The following GALNTL6 variants were observed in gnomAD, a reference collection of about 807,000 sequenced individuals.
GALNTL6 encodes the protein polypeptide N-acetylgalactosaminyltransferase-like 6.
Under a neutral mutation model 73.7 loss-of-function variants are expected in GALNTL6, and 46 were observed. The ratio of observed to expected loss-of-function variants is 0.62; its 90% CI spans 0.49 to 0.80. The LOEUF (loss-of-function observed/expected upper bound fraction) is 0.80, where lower values mean the gene tolerates loss of function less well. Among genes scored for constraint, GALNTL6 ranks in the 30% least tolerant of loss-of-function variants. The pLI, the probability that GALNTL6 is intolerant of heterozygous loss-of-function variation, is 0.00. For missense variants in GALNTL6, 604 were observed against 755.0 expected (o/e 0.80, Z 2.34); for synonymous variants, 259 against 263.7 (o/e 0.98, Z 0.17).
At chr4:172,945,993 C>T (rs1336139236) in intron 9 of GALNTL6, among the ~76,000 whole-genome samples, 1 of 152,130 alleles carries the variant, frequency 6.6e-6, no homozygotes, top group African/African-American at 2.4e-5. Context: ...GAAATACATT[C>T]AAATAAAAGC....
intron 2 of GALNTL6, among the ~76,000 whole-genome samples, chr4:172,118,409 G>T (rs1733045793): frequency 1.3e-5 from 2 of 151,946 alleles, no homozygotes; most frequent in African/African-American, 2.4e-5. Context: ...CTAGCTCTAA[G>T]AAAGGAGGGG....
At chr4:171,918,413 G>A (rs1388487199) in intron 2 of GALNTL6, among the ~76,000 whole-genome samples, 2 of 152,100 alleles carry the variant, frequency 1.3e-5, no homozygotes, top group South Asian at 2.1e-4. Flanking sequence ...AACTCAAATT[G>A]TCTTAAGAAA....
intron 2 of GALNTL6, among the ~76,000 whole-genome samples, chr4:172,167,693 T>G (rs993184155): frequency 2.0e-5 from 3 of 151,392 alleles, no homozygotes; most frequent in Admixed American, 6.6e-5. Flanking sequence ...GCGCGGTGGC[T>G]CACGCCTGTA....
intron 5 of GALNTL6, among the ~76,000 whole-genome samples, chr4:172,372,829 C>T (rs1465178409): frequency 1.3e-5 from 2 of 152,102 alleles, no homozygotes; most frequent in African/African-American, 2.4e-5. Context: ...TCGGCAAAAG[C>T]TGTTGATTCC....
intron 7 of GALNTL6, among the ~76,000 whole-genome samples, chr4:172,862,714 G>GA (rs1262350533): frequency 1.1e-5 from 1 of 89,218 alleles, no homozygotes; most frequent in Non-Finnish European, 3.2e-5. Flanking sequence ...AAAAGAAAAA[G>GA]AGAAAGAAAA....
intron 5 of GALNTL6, among the ~76,000 whole-genome samples, chr4:172,698,548 C>T (rs564339250): frequency 6.6e-6 from 1 of 152,314 alleles, no homozygotes; most frequent in South Asian, 2.1e-4. Context: ...CCATTATTTA[C>T]CAAATTGCAG....
intron 2 of GALNTL6, among the ~76,000 whole-genome samples, chr4:171,991,730 GTATATATATA>G (rs1248077137): frequency 8.7e-4 from 85 of 98,182 alleles, no homozygotes; most frequent in African/African-American, 4.4e-3. Flanking sequence ...GTGTGTGTGT[GTATATATATA>G]TATATATATA....
chr4:172,044,660 G>C (rs1742171316), intron 2 of GALNTL6, among the ~76,000 whole-genome samples: 2 of 151,998 alleles, frequency 1.3e-5, no homozygotes, highest in Non-Finnish European at 1.5e-5. Flanking sequence ...CTGGGAAAGA[G>C]ATGATTTTAA....
intron 5 of GALNTL6, among the ~76,000 whole-genome samples, chr4:172,549,119 T>C (rs761603011): frequency 2.0e-5 from 3 of 152,224 alleles, no homozygotes; most frequent in Non-Finnish European, 4.4e-5. Context: ...CATTAACATA[T>C]GGAATATTTG....
At chr4:172,157,628 T>C (rs1054554194) in intron 2 of GALNTL6, among the ~76,000 whole-genome samples, 3 of 152,310 alleles carry the variant, frequency 2.0e-5, no homozygotes, top group Non-Finnish European at 4.4e-5. Flanking sequence ...TCCATTCTCA[T>C]AGACTCACTC....
chr4:171,979,804 A>G (rs1739839003), intron 2 of GALNTL6, among the ~76,000 whole-genome samples: 1 of 127,234 alleles, frequency 7.9e-6, no homozygotes, highest in Non-Finnish European at 1.7e-5. Context: ...TGGCCATGTA[A>G]CTATATTTCT....
chr4:172,890,045 G>T (rs1745945650), intron 8 of GALNTL6, among the ~76,000 whole-genome samples: 1 of 152,106 alleles, frequency 6.6e-6, no homozygotes, highest in African/African-American at 2.4e-5. Context: ...ATGCACAGAG[G>T]TGTTCATAAC....
At chr4:171,828,142 T>C (rs1222657552) in intron 2 of GALNTL6, among the ~76,000 whole-genome samples, 1 of 152,164 alleles carries the variant, frequency 6.6e-6, no homozygotes, top group Non-Finnish European at 1.5e-5. Context: ...AGTATTGGGT[T>C]ATAATTGCAT....
chr4:171,952,850 A>C (rs1738924133), intron 2 of GALNTL6, among the ~76,000 whole-genome samples: 2 of 133,906 alleles, frequency 1.5e-5, no homozygotes, highest in Non-Finnish European at 3.2e-5. Flanking sequence ...AGCTTTAGAA[A>C]GTAATAAATA....
At chr4:172,321,257 A>G (rs887304404) in intron 4 of GALNTL6, among the ~76,000 whole-genome samples, 1 of 152,124 alleles carries the variant, frequency 6.6e-6, no homozygotes, top group African/African-American at 2.4e-5. Flanking sequence ...GGGGTTGGGG[A>G]CTACTCTAAT....
intron 2 of GALNTL6, among the ~76,000 whole-genome samples, chr4:172,045,704 G>A (rs1742199303): frequency 6.6e-6 from 1 of 151,298 alleles, no homozygotes; most frequent in Non-Finnish European, 1.5e-5. Context: ...CATAAACCAA[G>A]TGTAGGTCAT....
chr4:172,335,392 C>T (rs1741278936), intron 4 of GALNTL6, among the ~76,000 whole-genome samples: 1 of 152,146 alleles, frequency 6.6e-6, no homozygotes, highest in South Asian at 2.1e-4. Flanking sequence ...GAATATTAGC[C>T]TGTAGTTGTC....
At chr4:172,286,619 A>G (rs1367500293) in intron 3 of GALNTL6, among the ~76,000 whole-genome samples, 2 of 152,202 alleles carry the variant, frequency 1.3e-5, no homozygotes, top group South Asian at 2.1e-4. Flanking sequence ...CAGGAATTAT[A>G]TAAAGAGTTT....
intron 3 of GALNTL6, among the ~76,000 whole-genome samples, chr4:172,234,511 T>G (rs1191077868): frequency 6.6e-6 from 1 of 152,172 alleles, no homozygotes; most frequent in Non-Finnish European, 1.5e-5. Context: ...AGTTTGTGAC[T>G]TTCTTTTAAC....
Sources: allele counts gnomAD v4.1 joint callset (sites outside exome capture counted in the v4.1 genomes callset), GRCh38; gene constraint gnomAD v4.1.1; transcripts MANE v1.5; gene names NCBI Gene and HGNC (gene_info 2026-07-23, HGNC 2026-07-21).